SPAG16: variants seen among roughly 807,000 people sequenced by gnomAD.
SPAG16 encodes sperm-associated antigen 16 protein.
Under a neutral mutation model 80.4 loss-of-function variants are expected in SPAG16, and 86 were observed. The ratio of observed to expected loss-of-function variants is 1.07; its 90% CI spans 0.90 to 1.28. The LOEUF is 1.28. Among genes scored for constraint, SPAG16 ranks in the 50% most tolerant of loss-of-function variants. The pLI, the probability that SPAG16 is intolerant of heterozygous loss-of-function variation, is 0.00. For synonymous variants in SPAG16, 294 were observed against 265.9 expected (o/e 1.11, Z -1.03); for missense variants, 870 against 765.3 (o/e 1.14, Z -1.61).
At chr2:213,831,529 G>A (rs2556324) in intron 10 of SPAG16, among the ~76,000 whole-genome samples, 42,262 of 151,670 alleles carry the variant, frequency 0.28, 6,099 homozygotes, top group Middle Eastern at 0.39. Flanking sequence ...TTGTTGTGTT[G>A]GTAGTTTTTG....
intron 14 of SPAG16, among the ~76,000 whole-genome samples, chr2:214,130,373 T>G (rs552893344): frequency 6.6e-6 from 1 of 152,322 alleles, no homozygotes; most frequent in African/African-American, 2.4e-5. Context: ...TGTGGCCACC[T>G]GGTTCTGTAT....
At chr2:214,320,904 A>G (rs1696050071) in intron 15 of SPAG16, among the ~76,000 whole-genome samples, 1 of 152,250 alleles carries the variant, frequency 6.6e-6, no homozygotes, top group African/African-American at 2.4e-5. Context: ...TGAAGTAAAC[A>G]CTACGAAATT....
intron 11 of SPAG16, among the ~76,000 whole-genome samples, chr2:213,924,879 T>G (rs1485457644): frequency 1.3e-5 from 2 of 152,168 alleles, no homozygotes; most frequent in African/African-American, 2.4e-5. Flanking sequence ...ATTTTCTATT[T>G]GTATCATTTA....
chr2:213,680,949 C>G (rs2064347023), intron 10 of SPAG16, among the ~76,000 whole-genome samples: 1 of 152,100 alleles, frequency 6.6e-6, no homozygotes, highest in Non-Finnish European at 1.5e-5. Context: ...ATCTGAAGAA[C>G]TAGGATCAAT....
intron 10 of SPAG16, among the ~76,000 whole-genome samples, chr2:213,771,621 A>G (rs2069254564): frequency 6.6e-6 from 1 of 152,094 alleles, no homozygotes; most frequent in Non-Finnish European, 1.5e-5. Context: ...TCTTGAATTA[A>G]TTTTTATGTG....
At chr2:213,709,372 T>G (rs2065888303) in intron 10 of SPAG16, among the ~76,000 whole-genome samples, 1 of 152,186 alleles carries the variant, frequency 6.6e-6, no homozygotes, top group African/African-American at 2.4e-5. Flanking sequence ...CTTCGAGATT[T>G]GGGGGTATTT....
intron 14 of SPAG16, among the ~76,000 whole-genome samples, chr2:214,130,938 T>C (rs2054734005): frequency 6.6e-6 from 1 of 152,168 alleles, no homozygotes; most frequent in Admixed American, 6.6e-5. Flanking sequence ...CTCTCTGTGA[T>C]TTATTAAACC....
rs2078149593 is a variant in SPAG16 at position 213,920,184 on chromosome 2, A to G, written c.1215-9776A>G. On this transcript the variant is annotated intron_variant, in intron 11 of 15. Coordinates refer to ENST00000331683, the MANE Select transcript of SPAG16 (RefSeq NM_024532.5). ...TTTGAGCCTCTGAGTGTTACTGCAT[A>G]TGAAACAGGTCTCTTGAAGACAGCA... Among the ~76,000 whole-genome samples, 3 of 152,008 alleles carry G rather than the reference A, an allele frequency of 2.0e-5. No individual in the cohort carries two copies. The South Asian group carries it at 6.2e-4, about 31-fold the overall frequency.
intron 10 of SPAG16, among the ~76,000 whole-genome samples, chr2:213,533,215 A>G (rs960705195): frequency 6.6e-6 from 1 of 152,196 alleles, no homozygotes; most frequent in African/African-American, 2.4e-5. Flanking sequence ...ACTAATTCAT[A>G]TATGTGTGTA....
intron 13 of SPAG16, among the ~76,000 whole-genome samples, chr2:214,082,976 TCTC>T (rs2051484987): frequency 1.3e-5 from 2 of 152,196 alleles, no homozygotes; most frequent in Non-Finnish European, 2.9e-5. Flanking sequence ...ATTGCAGTCT[TCTC>T]CTCACCTTTC....
Position 214,032,303 on chromosome 2 carries a change from C to A in SPAG16, c.1527+18226C>A, listed in dbSNP as rs577173395. Among the ~76,000 whole-genome samples, 37 of 152,292 alleles carry A rather than the reference C, an allele frequency of 2.4e-4. No homozygotes were observed. The South Asian group carries it at 7.0e-3, about 29-fold the overall frequency. On this transcript the variant is annotated intron_variant, in intron 13 of 15. Coordinates refer to ENST00000331683, the MANE Select transcript of SPAG16 (RefSeq NM_024532.5). ...TGTTAGCTCCATCTACTTTGTTTTA[C>A]CCCTCTTTGATCTTATTGGTCTCAC...
At chr2:213,463,160 G>A (rs1050139758) in intron 9 of SPAG16, among the ~76,000 whole-genome samples, 2 of 152,232 alleles carry the variant, frequency 1.3e-5, no homozygotes, top group Non-Finnish European at 2.9e-5. Flanking sequence ...GAGATCTGTG[G>A]AACTTTGAAC....
At chr2:213,403,845 C>G (rs2068463320) in intron 9 of SPAG16, among the ~76,000 whole-genome samples, 1 of 152,182 alleles carries the variant, frequency 6.6e-6, no homozygotes, top group Admixed American at 6.5e-5. Context: ...AGCTGATAAG[C>G]AACTTCAGCA....
intron 10 of SPAG16, among the ~76,000 whole-genome samples, chr2:213,612,224 A>G (rs2061461188): frequency 6.6e-6 from 1 of 152,168 alleles, no homozygotes; most frequent in Non-Finnish European, 1.5e-5. Context: ...TTTTTTTTGA[A>G]TTAGCAAACA....
chr2:213,587,641 C>T (rs2060518381), intron 10 of SPAG16, among the ~76,000 whole-genome samples: 1 of 151,286 alleles, frequency 6.6e-6, no homozygotes, highest in Non-Finnish European at 1.5e-5. Context: ...CTTTCCAGAA[C>T]ACACTTTCTT....
intron 10 of SPAG16, among the ~76,000 whole-genome samples, chr2:213,788,978 TA>T (rs1401314997): frequency 6.6e-6 from 1 of 151,998 alleles, no homozygotes; most frequent in African/African-American, 2.4e-5. Flanking sequence ...ATTTGCTTTA[TA>T]AAGATAGATG....
At chr2:213,564,326 C>T (rs1398075579) in intron 10 of SPAG16, among the ~76,000 whole-genome samples, 1 of 151,922 alleles carries the variant, frequency 6.6e-6, no homozygotes, top group African/African-American at 2.4e-5. Flanking sequence ...GACACCCCAT[C>T]TCTGCTAAAA....
intron 10 of SPAG16, among the ~76,000 whole-genome samples, chr2:213,619,249 C>A (rs1221548673): frequency 2.6e-5 from 4 of 152,016 alleles, no homozygotes; most frequent in African/African-American, 9.7e-5. Context: ...AACTGTGGAA[C>A]TACTAGAGGA....
intron 10 of SPAG16, among the ~76,000 whole-genome samples, chr2:213,825,607 A>G (rs540722164): frequency 1.3e-5 from 2 of 149,872 alleles, no homozygotes; most frequent in East Asian, 3.9e-4. Context: ...TTTGTAATGT[A>G]TTGTTGAATT....
Sources: allele counts gnomAD v4.1 joint callset (sites outside exome capture counted in the v4.1 genomes callset), GRCh38; gene constraint gnomAD v4.1.1; transcripts MANE v1.5; gene names NCBI Gene and HGNC (gene_info 2026-07-23, HGNC 2026-07-21).